PTPRD: variants seen among roughly 807,000 people sequenced by gnomAD.
PTPRD encodes the protein protein tyrosine phosphatase receptor type D.
Under a neutral mutation model 214.5 loss-of-function variants are expected in PTPRD, and 34 were observed. The ratio of observed to expected loss-of-function variants is 0.16; its 90% confidence interval spans 0.12 to 0.21. The LOEUF (loss-of-function observed/expected upper bound fraction) is 0.21. Among genes scored for constraint, PTPRD ranks in the 10% least tolerant of loss-of-function variants. PTPRD has a pLI of 1.00. For synonymous variants in PTPRD, 1,128 were observed against 845.7 expected (o/e 1.33, Z -5.79); for missense variants, 2,545 against 2,398.7 (o/e 1.06, Z -1.27).
chr9:9,757,874 T>G (rs992373728), intron 6 of PTPRD, among the ~76,000 whole-genome samples: 2 of 152,140 alleles, frequency 1.3e-5, no homozygotes, highest in Non-Finnish European at 2.9e-5. Context: ...CCTGCCATTA[T>G]TGACTTCACT....
chr9:8,553,816 CTAACT>C lies in PTPRD; in HGVS notation c.353-25042_353-25038del, dbSNP rs547451596. 3.8e-3 allele frequency among the ~76,000 whole-genome samples: 577 copies of C among 152,194 alleles called. 6 individuals carry two copies. Among genetic ancestry groups the C allele is most frequent in the African/African-American group, 0.013 (524 of 41,538 alleles). ...TTGTTGTTTGCCTGTAAATTCTATC[CTAACT>C]TAAGGAGATGGAGCACCTACAGTAT... On this transcript the variant is annotated intron_variant, in intron 14 of 45. Coordinates refer to ENST00000381196, the MANE Select transcript of PTPRD (RefSeq NM_002839.4).
At chr9:8,699,683 T>TA (rs1177157787) in intron 12 of PTPRD, among the ~76,000 whole-genome samples, 1 of 151,618 alleles carries the variant, frequency 6.6e-6, no homozygotes, top group African/African-American at 2.4e-5. Context: ...AAACAAGTTG[T>TA]AAAAAATTAA....
In PTPRD at chr9:8,341,793, C is replaced by G. The variant is rs928640314; in HGVS notation, c.4847G>C (p.Gly1616Ala). 2.5e-6 allele frequency: 4 copies of G among 1,613,454 alleles called. No individual in the cohort carries two copies. The African/African-American group carries it at 5.3e-5, about 22-fold the overall frequency. The change falls in exon 40 of 46, where the codon GGA becomes GCA. Residue 1616 changes from glycine (G) to alanine (A), a missense_variant. By Grantham distance (60) the Gly-to-Ala change is moderately conservative (BLOSUM62 0). Coordinates refer to ENST00000381196, the MANE Select transcript of PTPRD (RefSeq NM_002839.4). ...HDALLEAVTC[G>A]NTEVPARNLY... ...GTTTCTAGCTGGCACTTCGGTATTT[C>G]CACAAGTCACTGCTTCTAACAGTGC...
At chr9:9,492,964 C>G (rs1360838230) in intron 8 of PTPRD, among the ~76,000 whole-genome samples, 1 of 146,142 alleles carries the variant, frequency 6.8e-6, no homozygotes, top group Non-Finnish European at 1.5e-5. Context: ...GACAAACATA[C>G]TAGATAAATG....
intron 2 of PTPRD, among the ~76,000 whole-genome samples, chr9:10,417,505 G>A (rs1338827583): frequency 1.3e-5 from 2 of 151,646 alleles, no homozygotes; most frequent in Non-Finnish European, 2.9e-5. Context: ...ATGTGACTTT[G>A]CCAAGTTATT....
chr9:9,895,548 G>C (rs1268794331), intron 5 of PTPRD, among the ~76,000 whole-genome samples: 1 of 151,892 alleles, frequency 6.6e-6, no homozygotes, highest in South Asian at 2.1e-4. Flanking sequence ...TTATCTCATA[G>C]AAGTAGGGAC....
intron 9 of PTPRD, among the ~76,000 whole-genome samples, chr9:9,209,072 T>C (rs1395034463): frequency 6.6e-6 from 1 of 152,032 alleles, no homozygotes; most frequent in African/African-American, 2.4e-5. Flanking sequence ...CCTCCCAAAG[T>C]GCTGGAATTA....
chr9:10,424,967 TC>T (rs2098598828), intron 2 of PTPRD, among the ~76,000 whole-genome samples: 1 of 152,014 alleles, frequency 6.6e-6, no homozygotes, highest in African/African-American at 2.4e-5. Context: ...AGTGTTGCAT[TC>T]CAAGTTAAAA....
At chr9:9,613,705 T>C (rs541443183) in intron 7 of PTPRD, among the ~76,000 whole-genome samples, 5 of 152,300 alleles carry the variant, frequency 3.3e-5, no homozygotes, top group South Asian at 2.1e-4. Context: ...CATGGACTAG[T>C]AGCATGGGCA....
chr9:8,730,102 GA>G (rs1476752564), intron 12 of PTPRD, among the ~76,000 whole-genome samples: 1 of 151,916 alleles, frequency 6.6e-6, no homozygotes, highest in African/African-American at 2.4e-5. Context: ...TAAATATACA[GA>G]AAATTAGCCG....
chr9:9,638,933 A>C (rs907909118), intron 7 of PTPRD, among the ~76,000 whole-genome samples: 2 of 152,080 alleles, frequency 1.3e-5, no homozygotes, highest in African/African-American at 4.8e-5. Flanking sequence ...AGAAAGAACA[A>C]AACTCTCTCC....
At chr9:9,554,462 G>GA (rs1370954825) in intron 8 of PTPRD, among the ~76,000 whole-genome samples, 1 of 151,436 alleles carries the variant, frequency 6.6e-6, no homozygotes, top group Admixed American at 6.6e-5. Flanking sequence ...GAGCTATTTA[G>GA]AAAAAATGTT....
At chr9:9,861,250 G>C (rs1005507765) in intron 5 of PTPRD, among the ~76,000 whole-genome samples, 2 of 152,032 alleles carry the variant, frequency 1.3e-5, no homozygotes, top group African/African-American at 4.8e-5. Context: ...TGGTATGAAA[G>C]TAATTAAGAT....
intron 9 of PTPRD, among the ~76,000 whole-genome samples, chr9:9,220,582 T>C (rs1448475790): frequency 6.6e-6 from 1 of 152,064 alleles, no homozygotes; most frequent in Non-Finnish European, 1.5e-5. Flanking sequence ...TAATAGCACA[T>C]CTTTCCATAA....
chr9:8,900,753 A>G (rs1237702347), intron 11 of PTPRD, among the ~76,000 whole-genome samples: 1 of 152,196 alleles, frequency 6.6e-6, no homozygotes, highest in Non-Finnish European at 1.5e-5. Context: ...TTAGCACTGA[A>G]CACACATTAA....
intron 8 of PTPRD, among the ~76,000 whole-genome samples, chr9:9,399,896 T>A (rs1246190819): frequency 1.3e-5 from 2 of 151,986 alleles, no homozygotes; most frequent in Non-Finnish European, 2.9e-5. Context: ...AATTACCCAG[T>A]CTTGGGTATG....
chr9:10,411,057 A>G (rs2154507345), intron 2 of PTPRD, among the ~76,000 whole-genome samples: 1 of 151,872 alleles, frequency 6.6e-6, no homozygotes, highest in South Asian at 2.1e-4. Flanking sequence ...GAGATCAGCA[A>G]ATGTTTGCCT....
rs372434071 is a variant in PTPRD, at chr9:9,707,067, G to C, written c.-287+27466C>G. Among the ~76,000 whole-genome samples the C allele has an allele frequency of 1.1e-3, 171 of 152,158 alleles. 2 individuals are homozygous for C. Among genetic ancestry groups the C allele is most frequent in the African/African-American group, 4.0e-3 (165 of 41,522 alleles). ...ATTACAGATAAGAAAATGAACAGATGTCCTTTTTATTAAAATTCCAAGTTG... is the reference window on the plus strand; with the variant it reads ...ATTACAGATAAGAAAATGAACAGATCTCCTTTTTATTAAAATTCCAAGTTG... On this transcript the variant is annotated intron_variant, in intron 7 of 45. Transcript: ENST00000381196.
At chr9:9,699,307 T>C (rs1403221678) in intron 7 of PTPRD, among the ~76,000 whole-genome samples, 1 of 152,164 alleles carries the variant, frequency 6.6e-6, no homozygotes, top group Non-Finnish European at 1.5e-5. Context: ...ATCTAAATAA[T>C]TTCCTTTTCA....
Sources: allele counts gnomAD v4.1 joint callset (sites outside exome capture counted in the v4.1 genomes callset), GRCh38; gene constraint gnomAD v4.1.1; transcripts MANE v1.5; gene names NCBI Gene and HGNC (gene_info 2026-07-23, HGNC 2026-07-21).